Variants in CMIP observed in about 807,000 individuals in gnomAD.
CMIP encodes the protein c-Maf inducing protein.
Under a neutral mutation model 97.3 loss-of-function variants are expected in CMIP, and 13 were observed. The ratio of observed to expected loss-of-function variants is 0.13; its 90% CI spans 0.09 to 0.21. The LOEUF is 0.21. CMIP is among the 10% of genes least tolerant of loss of function. The probability of loss-of-function intolerance (pLI) is 1.00; values close to 1 mark genes in which losing one functional copy is unlikely to be tolerated. For missense variants in CMIP, 847 were observed against 1,024.9 expected (o/e 0.83, Z 2.37); for synonymous variants, 538 against 436.3 (o/e 1.23, Z -2.91).
chr16:81,641,176 G>A (rs1222132112), intron 3 of CMIP, among the ~76,000 whole-genome samples: 8 of 152,124 alleles, frequency 5.3e-5, no homozygotes, highest in Non-Finnish European at 1.2e-4. Flanking sequence ...CTGTGCACAC[G>A]AATGAGAGTT....
At chr16:81,634,333 C>T (rs961797915) in intron 3 of CMIP, among the ~76,000 whole-genome samples, 2 of 152,230 alleles carry the variant, frequency 1.3e-5, no homozygotes. Context: ...GAACACGAGT[C>T]TGACTCTCAG....
At chr16:81,669,623 C>T (rs867735825) in intron 7 of CMIP, among the ~76,000 whole-genome samples, 1 of 147,492 alleles carries the variant, frequency 6.8e-6, no homozygotes, top group African/African-American at 2.5e-5. Flanking sequence ...CCGCACCAAC[C>T]TCTCACCTCC....
chr16:81,525,833 C>G (rs1369266545), intron 1 of CMIP, among the ~76,000 whole-genome samples: 1 of 152,190 alleles, frequency 6.6e-6, no homozygotes, highest in East Asian at 1.9e-4. Context: ...GCATTTGACT[C>G]CTCTAGGAAC....
chr16:81,550,275 C>T (rs143922031), intron 1 of CMIP, among the ~76,000 whole-genome samples: 46 of 152,302 alleles, frequency 3.0e-4, no homozygotes, highest in African/African-American at 1.1e-3. Flanking sequence ...TCTTCTCATC[C>T]GTGAAATGGG....
chr16:81,514,164 A>C (rs2089866374), intron 1 of CMIP, among the ~76,000 whole-genome samples: 1 of 152,226 alleles, frequency 6.6e-6, no homozygotes, highest in African/African-American at 2.4e-5. Context: ...GAATCCGGTG[A>C]CACTTCCAGT....
In CMIP at chr16:81,564,924, G is replaced by A. The variant is rs771109106; in HGVS notation, c.301-42643G>A. Among the ~76,000 whole-genome samples the A allele has an allele frequency of 4.3e-4, 65 of 152,196 alleles. 3 individuals carry two copies. The highest frequency in any genetic ancestry group is 1.2e-3 in the Admixed American group (18 of 15,292). ...CCTTGGAATGAGTGCATGTGTGCCC[G>A]GGCGACTGTATGCAGGTGGGAGGCA... is the stretch of plus-strand genomic sequence containing the variant. On this transcript the variant is annotated intron_variant, in intron 1 of 20. Transcript: ENST00000537098.
chr16:81,507,381 G>A (rs543088306), intron 1 of CMIP, among the ~76,000 whole-genome samples: 6 of 152,338 alleles, frequency 3.9e-5, no homozygotes, highest in African/African-American at 1.4e-4. Flanking sequence ...GCCTGTGAGG[G>A]TGTCAGGAGT....
intron 1 of CMIP, among the ~76,000 whole-genome samples, chr16:81,457,906 C>G (rs920877814): frequency 6.6e-6 from 1 of 152,242 alleles, no homozygotes; most frequent in African/African-American, 2.4e-5. Flanking sequence ...CTGGCCTGGG[C>G]GTTGGCAAGC....
chr16:81,587,137 G>C (rs2150912903), intron 1 of CMIP, among the ~76,000 whole-genome samples: 1 of 152,334 alleles, frequency 6.6e-6, no homozygotes, highest in Non-Finnish European at 1.5e-5. Context: ...AATGCAGAAG[G>C]GCAGGGAGTC....
intron 1 of CMIP, among the ~76,000 whole-genome samples, chr16:81,597,117 A>G (rs1367719095): frequency 6.6e-6 from 1 of 152,166 alleles, no homozygotes; most frequent in Non-Finnish European, 1.5e-5. Flanking sequence ...CACTTGTGCA[A>G]ACATCTTTGG....
chr16:81,623,639 A>G (rs1018083358), intron 3 of CMIP, among the ~76,000 whole-genome samples: 2 of 152,182 alleles, frequency 1.3e-5, no homozygotes, highest in Non-Finnish European at 2.9e-5. Context: ...AGTTTTGGTG[A>G]TATTTGAGAA....
intron 1 of CMIP, among the ~76,000 whole-genome samples, chr16:81,552,995 G>A (rs1322209003): frequency 6.6e-6 from 1 of 152,210 alleles, no homozygotes; most frequent in Non-Finnish European, 1.5e-5. Flanking sequence ...GGACAGGAAA[G>A]TCTCCTCTAA....
In CMIP at chr16:81,445,336, G is replaced by C. The variant is rs1597437611; in HGVS notation, c.95G>C (p.Gly32Ala). 1 of 1,595,858 alleles carries C rather than the reference G, an allele frequency of 6.3e-7. No homozygotes were observed. Among genetic ancestry groups the C allele is most frequent in the East Asian group, 2.3e-5 (1 of 43,870 alleles). ...GGGGGCGACGTGTCGGCCCCCGAAG[G>C]CACGAAGATGGGCGCCGTGCCCTGC... ...LLGGDVSAPE[G>A]TKMGAVPCRR... The change falls in exon 1 of 21, where the codon GGC becomes GCC. Residue 32 changes from glycine to alanine, a missense_variant. Gly to Ala is a moderately conservative substitution (Grantham distance 60). This residue lies in a region of CMIP where 94 missense variants were observed against 79.9 expected (regional missense o/e 1.18). Transcript: ENST00000537098.
At chr16:81,667,956 T>C (rs1291112586) in intron 7 of CMIP, among the ~76,000 whole-genome samples, 1 of 151,794 alleles carries the variant, frequency 6.6e-6, no homozygotes, top group East Asian at 1.9e-4. Context: ...CCCTGCACTG[T>C]CTCTCACAAA....
intron 1 of CMIP, among the ~76,000 whole-genome samples, chr16:81,593,948 C>T (rs2091506083): frequency 6.6e-6 from 1 of 151,218 alleles, no homozygotes; most frequent in Non-Finnish European, 1.5e-5. Context: ...CTACCCTTAC[C>T]TTCCCCCTAC....
intron 2 of CMIP, among the ~76,000 whole-genome samples, chr16:81,615,062 GGT>G (rs929848087): frequency 1.5e-5 from 2 of 129,306 alleles, no homozygotes; most frequent in African/African-American, 5.9e-5. Context: ...GTCTGTGTGA[GGT>G]GTGTGTCTGT....
At position 81,652,273 on chromosome 16, in the gene CMIP, G is replaced by C. The variant is rs1399545689; in HGVS notation, c.548G>C (p.Arg183Pro). 1.2e-6 allele frequency: 2 copies of C among 1,613,430 alleles called. No homozygotes were observed. The highest frequency in any genetic ancestry group is 1.7e-6 in the Non-Finnish European group (2 of 1,179,474). ...SRWEVVLKEI[R>P]TLVDMALTSP... ...TGGGAAGTTGTCTTGAAAGAGATCC[G>C]GACCCTGGTGGACATGGCCCTGACA... is the stretch of plus-strand genomic sequence containing the variant. The change falls in exon 4 of 21, where the codon CGG becomes CCG. Residue 183 changes from arginine (R) to proline (P), a missense_variant. Coordinates refer to ENST00000537098, the MANE Select transcript of CMIP (RefSeq NM_198390.3). This position sits in a 1 kb window ranked among gnomAD's most constrained non-coding sequence, Gnocchi z 5.2.
At chr16:81,507,197 A>G (rs1031461283) in intron 1 of CMIP, among the ~76,000 whole-genome samples, 1 of 151,990 alleles carries the variant, frequency 6.6e-6, no homozygotes, top group African/African-American at 2.4e-5. Flanking sequence ...CGGAGCTTGC[A>G]GTGAGCCGAT....
intron 1 of CMIP, among the ~76,000 whole-genome samples, chr16:81,501,276 T>C (rs926197557): frequency 2.6e-5 from 4 of 152,210 alleles, no homozygotes; most frequent in African/African-American, 9.7e-5. Context: ...AGAACAACTT[T>C]GGGTTGTGAC....
Sources: allele counts gnomAD v4.1 joint callset (sites outside exome capture counted in the v4.1 genomes callset), GRCh38; gene constraint gnomAD v4.1.1; regional missense constraint gnomAD v4.1.1; non-coding constraint Gnocchi (gnomAD v3.1); transcripts MANE v1.5; gene names NCBI Gene and HGNC (gene_info 2026-07-23, HGNC 2026-07-21).